The following UTP6 variants were observed in gnomAD, a reference collection of about 807,000 sequenced individuals.
UTP6 encodes the protein UTP6 small subunit processome component.
UTP6 carries 60 observed loss-of-function variants against 96.5 expected under a neutral mutation model. That is an observed-to-expected ratio of 0.62 (90% CI 0.51 to 0.77). The LOEUF (loss-of-function observed/expected upper bound fraction) is 0.77. Among genes scored for constraint, UTP6 ranks in the 30% least tolerant of loss-of-function variants. The pLI is 0.00. For missense variants in UTP6, 637 were observed against 706.5 expected, an observed-to-expected ratio of 0.90 and a Z score of 1.12; for synonymous variants, 215 against 240.1, an observed-to-expected ratio of 0.90 and a Z score of 0.96.
chr17:31,877,980 A>G (rs1336649609), intron 13 of UTP6, among the ~76,000 whole-genome samples: 2 of 151,926 alleles, frequency 1.3e-5, no homozygotes, highest in Admixed American at 1.3e-4. Flanking sequence ...AAAAAAAAAA[A>G]AAAAGGAATG....
chr17:31,897,446 T>C (rs895080201), intron 2 of UTP6, among the ~76,000 whole-genome samples: 1 of 145,372 alleles, frequency 6.9e-6, no homozygotes, highest in Non-Finnish European at 1.5e-5. Context: ...TTCTAGTCTT[T>C]TTTTTTTTTT....
intron 17 of UTP6, among the ~76,000 whole-genome samples, chr17:31,867,440 A>G (rs1229322269): frequency 6.6e-6 from 1 of 150,728 alleles, no homozygotes; most frequent in Admixed American, 6.6e-5. Flanking sequence ...CCCAGGATGC[A>G]GAGTTTGCAG....
intron 4 of UTP6, among the ~76,000 whole-genome samples, chr17:31,893,734 CAAAAAAAAAAA>C (rs3084042): frequency 1.2e-4 from 10 of 84,466 alleles, no homozygotes; most frequent in African/African-American, 3.7e-4. Context: ...CATCCCCCAC[CAAAAAAAAAAA>C]AAAAAAAAAA....
At chr17:31,881,990 T>C (rs1317110957) in intron 10 of UTP6, among the ~76,000 whole-genome samples, 1 of 152,098 alleles carries the variant, frequency 6.6e-6, no homozygotes, top group Non-Finnish European at 1.5e-5. Flanking sequence ...AAGAACTTTA[T>C]TATAGCTGAG....
At chr17:31,876,034 T>C (rs892835123) in intron 13 of UTP6, among the ~76,000 whole-genome samples, 2 of 151,850 alleles carry the variant, frequency 1.3e-5, no homozygotes, top group South Asian at 4.2e-4. Flanking sequence ...TTTTTTGTTT[T>C]TCTTTTTCTT....
At chr17:31,883,126 G>T (rs372749303) in intron 10 of UTP6, among the ~76,000 whole-genome samples, 2 of 151,746 alleles carry the variant, frequency 1.3e-5, no homozygotes, top group Non-Finnish European at 2.9e-5. Flanking sequence ...TTGAGCTCAG[G>T]AATTCAAGAT....
intron 17 of UTP6, among the ~76,000 whole-genome samples, chr17:31,866,060 G>A (rs540524669): frequency 5.9e-5 from 9 of 151,544 alleles, no homozygotes; most frequent in African/African-American, 1.7e-4. Context: ...TGCCGGGCAC[G>A]GTGGCTCACA....
intron 6 of UTP6, among the ~76,000 whole-genome samples, chr17:31,890,860 A>G (rs1024921872): frequency 1.3e-5 from 2 of 151,038 alleles, no homozygotes; most frequent in Admixed American, 1.3e-4. Flanking sequence ...GGTGGTGCAC[A>G]TCTGTAATCC....
At chr17:31,888,726 C>T (rs770245055) in intron 7 of UTP6, among the ~76,000 whole-genome samples, 7 of 151,908 alleles carry the variant, frequency 4.6e-5, no homozygotes, top group Non-Finnish European at 5.9e-5. Context: ...TCCTTACCCA[C>T]ACCTCCACAC....
rs930900806 is a variant in UTP6, at chr17:31,861,935, G to C, written c.*1424C>G. 6.6e-6 allele frequency: 1 copy of C among 152,150 alleles called. No individual in the cohort carries two copies. Among genetic ancestry groups the C allele is most frequent in the African/African-American group, 2.4e-5 (1 of 41,436 alleles). 9.4% of individuals were successfully genotyped at this position (152,150 alleles called of 1,614,324 possible). The stretch of plus-strand genomic sequence containing the variant: ...TGTCAATCTCCTAAGGAAATGGCCA[G>C]GGATGTGAACAAAGATTGACAAGAA... On this transcript the variant is annotated 3_prime_UTR_variant, in exon 19 of 19. Coordinates refer to ENST00000261708, the MANE Select transcript of UTP6 (RefSeq NM_018428.3).
At chr17:31,872,743 G>A (rs910548763) in intron 16 of UTP6, among the ~76,000 whole-genome samples, 4 of 152,072 alleles carry the variant, frequency 2.6e-5, no homozygotes, top group African/African-American at 9.7e-5. Flanking sequence ...GCTCATGCCT[G>A]TAATCCCAGC....
intron 11 of UTP6, among the ~76,000 whole-genome samples, chr17:31,879,339 G>A (rs959243637): frequency 6.6e-6 from 1 of 152,042 alleles, no homozygotes; most frequent in African/African-American, 2.4e-5. Flanking sequence ...GTAGTAACCC[G>A]AGATCGTGTC....
At chr17:31,895,899 T>C (rs1004916532) in intron 2 of UTP6, among the ~76,000 whole-genome samples, 7 of 151,080 alleles carry the variant, frequency 4.6e-5, no homozygotes, top group Non-Finnish European at 4.4e-5. Context: ...AGGCTGGTGG[T>C]GTGTGCCTGT....
At chr17:31,886,087 C>G (rs755675810) in intron 8 of UTP6, 26 bp from the exon 9 acceptor site, 17 of 1,597,766 alleles carry the variant, frequency 1.1e-5, no homozygotes, top group Non-Finnish European at 1.4e-5. Flanking sequence ...TCAAACGTAA[C>G]TTAACAGGTA....
intron 13 of UTP6, among the ~76,000 whole-genome samples, chr17:31,877,753 G>A (rs536478753): frequency 2.0e-5 from 3 of 152,170 alleles, no homozygotes; most frequent in Admixed American, 2.0e-4. Flanking sequence ...GATCACTTGA[G>A]GTCAGAAGTT....
chr17:31,900,759 G>C (rs776647489), intron 1 of UTP6, among the ~76,000 whole-genome samples: 1 of 152,194 alleles, frequency 6.6e-6, no homozygotes, highest in African/African-American at 2.4e-5. Flanking sequence ...TACGGGAGAA[G>C]ATTCAGAGTC....
At chr17:31,865,301 C>T (rs1909752503) in intron 18 of UTP6, 65 bp downstream of exon 18, 4 of 1,544,224 alleles carry the variant, frequency 2.6e-6, no homozygotes, top group Non-Finnish European at 2.7e-6. Context: ...GCATGAGCCA[C>T]TGTACTCAGC....
At chr17:31,882,424 G>A (rs747152548) in intron 10 of UTP6, among the ~76,000 whole-genome samples, 7 of 151,744 alleles carry the variant, frequency 4.6e-5, no homozygotes, top group Admixed American at 6.6e-5. Flanking sequence ...AGGTTCAAGC[G>A]ATTCTCCTGC....
intron 16 of UTP6, among the ~76,000 whole-genome samples, chr17:31,872,209 A>T (rs958871747): frequency 2.6e-4 from 40 of 152,068 alleles, no homozygotes; most frequent in African/African-American, 9.4e-4. Context: ...AAAAAAAGAA[A>T]TTTTTTTTAA....
Sources: gnomAD v4.1 joint callset for allele counts (sites outside exome capture counted in the v4.1 genomes callset) on GRCh38, gnomAD v4.1.1 for gene constraint, MANE v1.5 for transcripts, NCBI Gene and HGNC (gene_info 2026-07-23, HGNC 2026-07-21) for gene names.